Variants in MPHOSPH6 observed in about 807,000 individuals in gnomAD.
MPHOSPH6 encodes the protein M-phase phosphoprotein 6.
In MPHOSPH6, 25 loss-of-function variants were observed where a neutral mutation model predicts 21.8. That is an observed-to-expected ratio of 1.15 (90% CI 0.83 to 1.60). MPHOSPH6 has a LOEUF of 1.60. MPHOSPH6 is among the 40% of genes most tolerant of loss of function. The probability of loss-of-function intolerance (pLI) is 0.00; values close to 1 mark genes in which losing one functional copy is unlikely to be tolerated. For missense variants in MPHOSPH6, 269 were observed against 181.8 expected (o/e 1.48, Z -2.76); for synonymous variants, 84 against 56.5 (o/e 1.49, Z -2.18).
At chr16:82,160,136 A>G (rs1229340203) in intron 2 of MPHOSPH6, among the ~76,000 whole-genome samples, 1 of 152,218 alleles carries the variant, frequency 6.6e-6, no homozygotes, top group Non-Finnish European at 1.5e-5. Context: ...TATCTTTAAT[A>G]TAAAAAGGAG....
intron 2 of MPHOSPH6, among the ~76,000 whole-genome samples, chr16:82,160,358 C>T (rs1906568734): frequency 6.6e-6 from 1 of 152,170 alleles, no homozygotes; most frequent in Non-Finnish European, 1.5e-5. Context: ...AAAAGCTGGA[C>T]TTGCCTAAAG....
Position 82,165,129 on chromosome 16 carries a change from T to TTTTTTC in MPHOSPH6, c.52-936_52-935insGAAAAA, listed in dbSNP as rs1906729220. On this transcript the variant is annotated intron_variant, in intron 1 of 4. Transcript: ENST00000258169. ...TCCGATATTTCTTTTTTATTTTTTT[T>TTTTTTC]TTTATTTTTTTTTTTTGAGACAGAG... Among the ~76,000 whole-genome samples, 5 of 88,990 alleles carry TTTTTTC rather than the reference T, an allele frequency of 5.6e-5. No individual in the cohort carries two copies. The South Asian group carries it at 1.5e-3, about 27-fold the overall frequency. 58.4% of individuals were successfully genotyped at this position (88,990 alleles called of 152,430 possible).
chr16:82,163,468 T>C (rs1429830074), intron 2 of MPHOSPH6, among the ~76,000 whole-genome samples: 1 of 152,226 alleles, frequency 6.6e-6, no homozygotes, highest in African/African-American at 2.4e-5. Flanking sequence ...ACTGACTAGC[T>C]GGGTGAAGCT....
intron 4 of MPHOSPH6, 114 bp from the exon 5 acceptor site, chr16:82,148,977 A>G (rs1906176439): frequency 6.1e-6 from 8 of 1,309,018 alleles, no homozygotes; most frequent in Middle Eastern, 3.8e-4. Flanking sequence ...AAAGAAAACT[A>G]TCATTAAAAG....
At chr16:82,165,133 A>AC in intron 1 of MPHOSPH6, among the ~76,000 whole-genome samples, 1 of 93,126 alleles carries the variant, frequency 1.1e-5, no homozygotes, top group Non-Finnish European at 1.9e-5. Flanking sequence ...TTTTTTTTTT[A>AC]TTTTTTTTTT....
intron 2 of MPHOSPH6, among the ~76,000 whole-genome samples, chr16:82,158,128 TTC>T (rs1906488216): frequency 6.6e-6 from 1 of 152,072 alleles, no homozygotes; most frequent in East Asian, 1.9e-4. Context: ...ACAAATTTAT[TTC>T]TGTTAATCTT....
At chr16:82,150,230 A>T (rs1473813411) in intron 3 of MPHOSPH6, among the ~76,000 whole-genome samples, 3 of 151,792 alleles carry the variant, frequency 2.0e-5, no homozygotes, top group Non-Finnish European at 1.5e-5. Context: ...GGGCAGTGGC[A>T]CCTCTCCTTT....
intron 2 of MPHOSPH6, among the ~76,000 whole-genome samples, chr16:82,152,525 C>T (rs993714342): frequency 2.0e-5 from 3 of 152,090 alleles, no homozygotes; most frequent in Non-Finnish European, 4.4e-5. Context: ...ACACAAAGAG[C>T]CAGCTGTACT....
intron 2 of MPHOSPH6, among the ~76,000 whole-genome samples, chr16:82,161,967 C>G (rs971452423): frequency 3.4e-4 from 51 of 152,112 alleles, no homozygotes; most frequent in African/African-American, 1.2e-3. Flanking sequence ...TCCAAATTCA[C>G]AGAATAGTTA....
At chr16:82,154,714 C>T (rs1055786036) in intron 2 of MPHOSPH6, among the ~76,000 whole-genome samples, 3 of 151,872 alleles carry the variant, frequency 2.0e-5, no homozygotes, top group Admixed American at 1.3e-4. Context: ...AAAACTGGAT[C>T]AGTCCTATAT....
rs1015163080 is a variant in MPHOSPH6 at position 82,152,699 on chromosome 16, T to C, written c.165-1185A>G. On this transcript the variant is annotated intron_variant, in intron 2 of 4. Transcript: ENST00000258169. ...GCTGAGCACGACACCACTGATGGCATTGGGGCAGGTTGCGTTCCCTGGACC... is the reference window on the plus strand; with the variant it reads ...GCTGAGCACGACACCACTGATGGCACTGGGGCAGGTTGCGTTCCCTGGACC... Among the ~76,000 whole-genome samples the C allele has an allele frequency of 8.5e-5, 13 of 152,236 alleles. No individual in the cohort carries two copies. The South Asian group carries it at 1.5e-3, about 17-fold the overall frequency.
intron 2 of MPHOSPH6, chr16:82,162,173 C>G (rs757926507): frequency 1.4e-4 from 21 of 152,120 alleles, no homozygotes; most frequent in Non-Finnish European, 2.6e-4. Context: ...ATCATCATAC[C>G]CAATACACAA....
intron 2 of MPHOSPH6, among the ~76,000 whole-genome samples, chr16:82,162,871 T>C (rs1257193008): frequency 6.6e-6 from 1 of 152,194 alleles, no homozygotes; most frequent in Non-Finnish European, 1.5e-5. Context: ...GGAAAAATAC[T>C]GGAAACAAGA....
intron 2 of MPHOSPH6, among the ~76,000 whole-genome samples, chr16:82,160,342 C>T (rs1013400180): frequency 6.6e-6 from 1 of 152,118 alleles, no homozygotes; most frequent in Non-Finnish European, 1.5e-5. Flanking sequence ...GAAACTACTG[C>T]TCAGAAAAAG....
chr16:82,164,562 A>C (rs1455216661), intron 1 of MPHOSPH6: 2 of 183,474 alleles, frequency 1.1e-5, no homozygotes, highest in East Asian at 3.1e-4. Context: ...CGCCCGTCTG[A>C]CATAGGTAAA....
At chr16:82,160,243 T>C (rs913683840) in intron 2 of MPHOSPH6, among the ~76,000 whole-genome samples, 2 of 152,338 alleles carry the variant, frequency 1.3e-5, no homozygotes, top group East Asian at 1.9e-4. Flanking sequence ...TTACCTCTTT[T>C]TGTATTTTAA....
chr16:82,162,150 C>T (rs1197327799), intron 2 of MPHOSPH6: 2 of 152,200 alleles, frequency 1.3e-5, no homozygotes, highest in African/African-American at 2.4e-5. Flanking sequence ...TCGGAATGTA[C>T]TGGACAGGTA....
chr16:82,163,871 C>A, intron 2 of MPHOSPH6: 1 of 438,494 alleles, frequency 2.3e-6, no homozygotes. Flanking sequence ...TAAAAAAGGA[C>A]AAAATAGTGG....
At chr16:82,152,871 G>A (rs995385144) in intron 2 of MPHOSPH6, among the ~76,000 whole-genome samples, 3 of 152,154 alleles carry the variant, frequency 2.0e-5, no homozygotes, top group Admixed American at 6.5e-5. Context: ...CTTGTTTGCC[G>A]GAGTAGGCTC....
Sources: gnomAD v4.1 joint callset for allele counts (sites outside exome capture counted in the v4.1 genomes callset) on GRCh38, gnomAD v4.1.1 for gene constraint, MANE v1.5 for transcripts, NCBI Gene and HGNC (gene_info 2026-07-23, HGNC 2026-07-21) for gene names.